Variants in ANKRD33B observed in about 807,000 individuals in gnomAD.
The protein encoded by ANKRD33B is ankyrin repeat domain-containing protein 33B.
In ANKRD33B, 6 loss-of-function variants were observed where a neutral mutation model predicts 21.5. The observed-to-expected ratio is 0.28, with a 90% CI of 0.15 to 0.55. ANKRD33B has a LOEUF of 0.55. ANKRD33B is among the 20% of genes least tolerant of loss of function. The pLI is 0.94. For missense variants in ANKRD33B, 698 were observed against 747.2 expected (o/e 0.93, Z 0.77); for synonymous variants, 347 against 342.4 (o/e 1.01, Z -0.15).
At chr5:10,571,844 T>A (rs1735200578) in intron 1 of ANKRD33B, among the ~76,000 whole-genome samples, 1 of 152,060 alleles carries the variant, frequency 6.6e-6, no homozygotes, top group African/African-American at 2.4e-5. Context: ...CATCTCAGAA[T>A]TAAGTGAGAA....
At chr5:10,642,351 C>T (rs1737080101) in intron 3 of ANKRD33B, among the ~76,000 whole-genome samples, 1 of 152,186 alleles carries the variant, frequency 6.6e-6, no homozygotes, top group Non-Finnish European at 1.5e-5. Context: ...TCTCCCTCCC[C>T]TATTCTCCAC....
intron 1 of ANKRD33B, among the ~76,000 whole-genome samples, chr5:10,567,329 C>A (rs1019165651): frequency 4.6e-5 from 7 of 152,250 alleles, no homozygotes; most frequent in African/African-American, 1.4e-4. Flanking sequence ...TGGAGTGAGT[C>A]ATTGCCAAAG....
Position 10,618,341 on chromosome 5 carries a change from T to C in ANKRD33B, c.375T>C (p.Leu125=). 1 of 1,537,350 alleles carries C rather than the reference T, an allele frequency of 6.5e-7. No individual in the cohort carries two copies. The highest frequency in any genetic ancestry group is 8.7e-7 in the Non-Finnish European group (1 of 1,146,984). The change falls in exon 2 of 4, where the codon CTT becomes CTC. Residue 125 remains leucine (L), a synonymous_variant. Transcript: ENST00000296657. The part of the protein sequence containing the change: ...QETDRNGRTG[L]IVACYHGFVD... ...CCCCTCTTCATTTCTAGACCGGCCTTATTGTCGCCTGCTACCACGGCTTTG... is the reference window on the plus strand; with the variant it reads ...CCCCTCTTCATTTCTAGACCGGCCTCATTGTCGCCTGCTACCACGGCTTTG...
intron 3 of ANKRD33B, among the ~76,000 whole-genome samples, chr5:10,643,329 C>T (rs1737108262): frequency 6.6e-6 from 1 of 151,976 alleles, no homozygotes; most frequent in South Asian, 2.1e-4. Context: ...GACTGTAGCA[C>T]CTCTTCAGTT....
intron 1 of ANKRD33B, among the ~76,000 whole-genome samples, chr5:10,575,783 G>A (rs544582295): frequency 3.9e-5 from 6 of 152,132 alleles, no homozygotes; most frequent in East Asian, 1.9e-4. Context: ...TTCCATTGAC[G>A]TCACAGTCTT....
At chr5:10,610,206 G>A (rs1160821843) in intron 1 of ANKRD33B, among the ~76,000 whole-genome samples, 1 of 152,344 alleles carries the variant, frequency 6.6e-6, no homozygotes, top group East Asian at 1.9e-4. Flanking sequence ...TGTTGCAGCC[G>A]CTTTGGAGAG....
At chr5:10,578,723 A>G (rs565515382) in intron 1 of ANKRD33B, among the ~76,000 whole-genome samples, 16 of 152,322 alleles carry the variant, frequency 1.1e-4, no homozygotes, top group African/African-American at 3.8e-4. Context: ...AATTTTATCA[A>G]GTGTAAACAA....
At chr5:10,643,220 A>G (rs1240550765) in intron 3 of ANKRD33B, among the ~76,000 whole-genome samples, 1 of 152,050 alleles carries the variant, frequency 6.6e-6, no homozygotes, top group African/African-American at 2.4e-5. Context: ...TCTTAATTTC[A>G]GCACTACTAA....
chr5:10,609,730 G>A (rs987157693), intron 1 of ANKRD33B, among the ~76,000 whole-genome samples: 3 of 152,138 alleles, frequency 2.0e-5, no homozygotes, highest in African/African-American at 7.2e-5. Flanking sequence ...CCGACGTGGT[G>A]AAACCCCATT....
At chr5:10,566,486 G>A (rs1188787119) in intron 1 of ANKRD33B, among the ~76,000 whole-genome samples, 1 of 152,216 alleles carries the variant, frequency 6.6e-6, no homozygotes, top group African/African-American at 2.4e-5. Context: ...AACAGGTGGG[G>A]TGGGCCTCTC....
chr5:10,574,333 G>A (rs927050665), intron 1 of ANKRD33B, among the ~76,000 whole-genome samples: 2 of 152,186 alleles, frequency 1.3e-5, no homozygotes, highest in African/African-American at 2.4e-5. Flanking sequence ...CCAGTAGGCT[G>A]TAAAGCCAAG....
chr5:10,648,196 G>A (rs1373532328), intron 3 of ANKRD33B, among the ~76,000 whole-genome samples: 1 of 152,140 alleles, frequency 6.6e-6, no homozygotes, highest in Non-Finnish European at 1.5e-5. Flanking sequence ...TTTCTATCCT[G>A]GAAAAGCCCA....
At chr5:10,624,234 ATTCTCTT>A in intron 2 of ANKRD33B, among the ~76,000 whole-genome samples, 1 of 148,130 alleles carries the variant, frequency 6.8e-6, no homozygotes. Context: ...GGTTCAAGCG[ATTCTCTT>A]GCCTCAGCCT....
chr5:10,599,168 C>T (rs1461852590), intron 1 of ANKRD33B, among the ~76,000 whole-genome samples: 1 of 152,048 alleles, frequency 6.6e-6, no homozygotes, highest in Non-Finnish European at 1.5e-5. Context: ...AGTGTGCGCT[C>T]TGGTGCCTGG....
chr5:10,614,027 A>G (rs1041928457), intron 1 of ANKRD33B, among the ~76,000 whole-genome samples: 11 of 48,588 alleles, frequency 2.3e-4, no homozygotes, highest in African/African-American at 5.1e-4. Context: ...GTGTGTGTGT[A>G]TAAACATATA....
At chr5:10,585,229 A>G (rs1735528256) in intron 1 of ANKRD33B, among the ~76,000 whole-genome samples, 1 of 152,202 alleles carries the variant, frequency 6.6e-6, no homozygotes, top group South Asian at 2.1e-4. Context: ...TCCAGGGCAG[A>G]TCTTCTTAGG....
intron 1 of ANKRD33B, among the ~76,000 whole-genome samples, chr5:10,596,202 T>G (rs1168192934): frequency 6.6e-6 from 1 of 152,246 alleles, no homozygotes; most frequent in African/African-American, 2.4e-5. Context: ...ATGTGCAGGA[T>G]GTGCAGGTTT....
chr5:10,590,599 C>T (rs1295083434), intron 1 of ANKRD33B, among the ~76,000 whole-genome samples: 3 of 142,492 alleles, frequency 2.1e-5, no homozygotes, highest in African/African-American at 8.3e-5. Flanking sequence ...TGCGCGCGCG[C>T]GCGCGCGCGT....
intron 2 of ANKRD33B, among the ~76,000 whole-genome samples, chr5:10,618,933 G>A (rs566643181): frequency 2.6e-5 from 4 of 152,242 alleles, no homozygotes; most frequent in South Asian, 4.2e-4. Context: ...TAGAGTATCC[G>A]TGTAACAAGC....
Sources: gnomAD v4.1 joint callset for allele counts (sites outside exome capture counted in the v4.1 genomes callset) on GRCh38, gnomAD v4.1.1 for gene constraint, MANE v1.5 for transcripts, NCBI Gene and HGNC (gene_info 2026-07-23, HGNC 2026-07-21) for gene names.